Variants in CTNND2 observed in about 807,000 individuals in gnomAD.
The protein encoded by CTNND2 is catenin delta-2.
A neutral mutation model predicts 144.4 loss-of-function variants in CTNND2; 22 were observed. The observed-to-expected ratio is 0.15, with a 90% CI of 0.11 to 0.22. CTNND2 has a LOEUF of 0.22. Ranked by LOEUF, CTNND2 falls within the 10% of genes least tolerant of loss-of-function variation. The pLI is 1.00. For synonymous variants in CTNND2, 751 were observed against 695.6 expected (o/e 1.08, Z -1.25); for missense variants, 1,353 against 1,618.8 (o/e 0.84, Z 2.82).
intron 21 of CTNND2, among the ~76,000 whole-genome samples, chr5:10,980,840 T>C (rs575275681): frequency 7.9e-5 from 12 of 151,634 alleles, no homozygotes; most frequent in African/African-American, 2.2e-4. Context: ...TAAGTGGGAG[T>C]TGAACAATGA....
At position 11,439,801 on chromosome 5, in the gene CTNND2, T is replaced by TTA. The variant is rs1554058792; in HGVS notation, c.288-27734_288-27733dup. Among the ~76,000 whole-genome samples, 112 of 145,772 alleles carry TTA rather than the reference T, an allele frequency of 7.7e-4. 4 individuals carry two copies. The South Asian group carries it at 0.025, about 32-fold the overall frequency. On this transcript the variant is annotated intron_variant, in intron 3 of 21. Coordinates refer to ENST00000304623, the MANE Select transcript of CTNND2 (RefSeq NM_001332.4). ...CTATCTATCTATCTATCTATCTATC[T>TTA]TATATATATGTGTGTATATATATGT...
chr5:11,887,109 C>T (rs984035464), intron 1 of CTNND2, among the ~76,000 whole-genome samples: 3 of 151,328 alleles, frequency 2.0e-5, no homozygotes, highest in Non-Finnish European at 2.9e-5. Flanking sequence ...TCAGCCTCCC[C>T]GGCAGCTGGG....
intron 9 of CTNND2, among the ~76,000 whole-genome samples, chr5:11,279,009 C>T (rs184304432): frequency 6.6e-6 from 1 of 152,216 alleles, no homozygotes; most frequent in African/African-American, 2.4e-5. Context: ...AGTAGACTAG[C>T]GTATAGACTG....
rs1250506628 is a variant in CTNND2 at position 11,456,024 on chromosome 5, A to AT, written c.288-43956dup. On this transcript the variant is annotated intron_variant, in intron 3 of 21. Coordinates refer to ENST00000304623, the MANE Select transcript of CTNND2 (RefSeq NM_001332.4). ...GAAGGACTACTGCTAAATTAACACA[A>AT]TTAAAGGCAGCAGAACTTTTATCCG... Among the ~76,000 whole-genome samples, 8 of 152,320 alleles carry AT rather than the reference A, an allele frequency of 5.3e-5. No homozygotes were observed. In the South Asian group the frequency reaches 1.0e-3, roughly 20 times the overall value.
intron 1 of CTNND2, among the ~76,000 whole-genome samples, chr5:11,827,361 G>C (rs1488963239): frequency 1.3e-5 from 2 of 152,144 alleles, no homozygotes; most frequent in African/African-American, 2.4e-5. Context: ...CCTTCGGTAA[G>C]AAAGCCAGAA....
intron 2 of CTNND2, among the ~76,000 whole-genome samples, chr5:11,586,977 A>G (rs189829059): frequency 6.6e-6 from 1 of 152,296 alleles, no homozygotes; most frequent in East Asian, 1.9e-4. Context: ...AAATATTTAT[A>G]GTCGGAAATA....
chr5:10,994,563 T>G (rs540885668), intron 18 of CTNND2, among the ~76,000 whole-genome samples: 1 of 151,914 alleles, frequency 6.6e-6, no homozygotes, highest in Non-Finnish European at 1.5e-5. Context: ...GGAGGTGCTG[T>G]CGGGAGCCTT....
intron 3 of CTNND2, among the ~76,000 whole-genome samples, chr5:11,558,378 G>A (rs1254706844): frequency 2.1e-5 from 1 of 46,686 alleles, no homozygotes; most frequent in Non-Finnish European, 5.6e-5. Context: ...GTGTGTGTGT[G>A]TGTGACACAC....
Position 11,216,053 on chromosome 5 carries a change from T to C in CTNND2, c.1762-16392A>G, listed in dbSNP as rs572556144. ...GCCAACCAACTAGTCAAAGGAATAA[T>C]GCTCTGTTAAGTGGTAAAAAATCCT... On this transcript the variant is annotated intron_variant, in intron 10 of 21. Coordinates refer to ENST00000304623, the MANE Select transcript of CTNND2 (RefSeq NM_001332.4). Among the ~76,000 whole-genome samples, 69 of 152,324 alleles carry C rather than the reference T, an allele frequency of 4.5e-4. No homozygotes were observed. In the South Asian group the frequency reaches 6.4e-3, roughly 14 times the overall value.
intron 8 of CTNND2, among the ~76,000 whole-genome samples, chr5:11,351,233 T>C (rs1057139626): frequency 5.9e-5 from 9 of 152,180 alleles, no homozygotes; most frequent in Admixed American, 3.3e-4. Flanking sequence ...GATTACTCTA[T>C]CCAATTGAAC....
intron 1 of CTNND2, among the ~76,000 whole-genome samples, chr5:11,798,956 A>C (rs1381818729): frequency 2.0e-5 from 3 of 152,186 alleles, no homozygotes; most frequent in Non-Finnish European, 4.4e-5. Context: ...TAATGTGCAG[A>C]AATTAAGGGA....
At chr5:11,539,554 G>A (rs1419883515) in intron 3 of CTNND2, among the ~76,000 whole-genome samples, 2 of 152,220 alleles carry the variant, frequency 1.3e-5, no homozygotes, top group East Asian at 1.9e-4. Flanking sequence ...ACGGGTCCAT[G>A]TACCAGATGA....
intron 11 of CTNND2, among the ~76,000 whole-genome samples, chr5:11,197,890 T>C (rs910623712): frequency 3.3e-5 from 5 of 152,236 alleles, no homozygotes; most frequent in African/African-American, 1.2e-4. Flanking sequence ...GAATTTTGTA[T>C]TGGAGCAAAT....
intron 11 of CTNND2, among the ~76,000 whole-genome samples, chr5:11,175,040 T>C (rs746766280): frequency 6.6e-6 from 1 of 152,344 alleles, no homozygotes; most frequent in East Asian, 1.9e-4. Context: ...TTCCTGAGAA[T>C]GGAAGGTGAC....
At chr5:11,058,399 G>C (rs1157824031) in intron 16 of CTNND2, among the ~76,000 whole-genome samples, 1 of 152,238 alleles carries the variant, frequency 6.6e-6, no homozygotes, top group Non-Finnish European at 1.5e-5. Context: ...CTCAGGCCAT[G>C]GCTTCAGAGG....
intron 5 of CTNND2, among the ~76,000 whole-genome samples, chr5:11,409,803 A>T (rs911939787): frequency 2.0e-5 from 3 of 152,252 alleles, no homozygotes; most frequent in African/African-American, 7.2e-5. Context: ...AATGTTATGA[A>T]TAACTCATAA....
At chr5:11,392,788 A>G (rs966525912) in intron 6 of CTNND2, among the ~76,000 whole-genome samples, 1 of 152,146 alleles carries the variant, frequency 6.6e-6, no homozygotes, top group Middle Eastern at 3.4e-3. Flanking sequence ...TGCATAGTGT[A>G]TACATTTATG....
chr5:11,877,507 A>C (rs1239430772), intron 1 of CTNND2, among the ~76,000 whole-genome samples: 2 of 152,172 alleles, frequency 1.3e-5, no homozygotes, highest in Non-Finnish European at 2.9e-5. Context: ...AGCATATGTA[A>C]TTTTTAAAAG....
chr5:11,496,548 C>A (rs1769959583), intron 3 of CTNND2, among the ~76,000 whole-genome samples: 1 of 152,088 alleles, frequency 6.6e-6, no homozygotes, highest in Admixed American at 6.6e-5. Context: ...TGTGGAGTCC[C>A]CCTCCACCCT....
Sources: gnomAD v4.1 joint callset for allele counts (sites outside exome capture counted in the v4.1 genomes callset) on GRCh38, gnomAD v4.1.1 for gene constraint, MANE v1.5 for transcripts, NCBI Gene and HGNC (gene_info 2026-07-23, HGNC 2026-07-21) for gene names.